Variants in SCLT1 observed in about 807,000 individuals in gnomAD.
SCLT1 encodes the protein sodium channel and clathrin linker 1, also known as sodium channel-associated protein 1.
In SCLT1, 78 loss-of-function variants were observed where a neutral mutation model predicts 112.8. The observed-to-expected ratio is 0.69, with a 90% CI of 0.58 to 0.83. SCLT1 has a LOEUF of 0.83. Among genes scored for constraint, SCLT1 ranks in the 40% least tolerant of loss-of-function variants. The pLI, the probability that SCLT1 is intolerant of heterozygous loss-of-function variation, is 0.00. For synonymous variants in SCLT1, 257 were observed against 254.7 expected (o/e 1.01, Z -0.09); for missense variants, 747 against 770.4 (o/e 0.97, Z 0.36).
chr4:128,934,356 T>C (rs1479519459), intron 18 of SCLT1, among the ~76,000 whole-genome samples: 1 of 151,336 alleles, frequency 6.6e-6, no homozygotes, highest in Non-Finnish European at 1.5e-5. Flanking sequence ...CATACTGTTA[T>C]ATTACTTTTT....
At chr4:128,937,828 G>C (rs1467818078) in intron 17 of SCLT1, among the ~76,000 whole-genome samples, 1 of 152,164 alleles carries the variant, frequency 6.6e-6, no homozygotes, top group African/African-American at 2.4e-5. Context: ...TACCCTAGAA[G>C]CTTTCTCTGC....
chr4:128,896,713 A>T (rs550234413), intron 18 of SCLT1, among the ~76,000 whole-genome samples: 12 of 152,300 alleles, frequency 7.9e-5, no homozygotes, highest in African/African-American at 1.4e-4. Context: ...GCTTCAGACG[A>T]TCAAACTACT....
At chr4:128,874,050 T>C (rs1380821614) in intron 5 of SCLT1, 1 of 152,652 alleles carries the variant, frequency 6.6e-6, no homozygotes, top group East Asian at 1.9e-4. Flanking sequence ...CTGACTATTT[T>C]TGAGTTATGG....
intron 18 of SCLT1, among the ~76,000 whole-genome samples, chr4:128,916,304 A>G (rs1434955764): frequency 6.6e-6 from 1 of 152,198 alleles, no homozygotes; most frequent in African/African-American, 2.4e-5. Flanking sequence ...TATTGCAGTT[A>G]ATATATATCA....
chr4:128,986,311 C>T (rs936339195), intron 9 of SCLT1, among the ~76,000 whole-genome samples: 1 of 152,156 alleles, frequency 6.6e-6, no homozygotes, highest in Non-Finnish European at 1.5e-5. Context: ...AAGAATTCAC[C>T]GTCCCAGTGG....
chr4:128,898,731 G>A (rs963921916), intron 18 of SCLT1, among the ~76,000 whole-genome samples: 4 of 152,006 alleles, frequency 2.6e-5, no homozygotes, highest in Admixed American at 6.6e-5. Flanking sequence ...CAATGAATCC[G>A]GGAGCTGGTT....
intron 18 of SCLT1, among the ~76,000 whole-genome samples, chr4:128,929,833 G>A (rs1736613941): frequency 6.6e-6 from 1 of 152,164 alleles, no homozygotes. Flanking sequence ...CTGTGTTGTT[G>A]TCTTTGTCTA....
chr4:128,893,090 T>C (rs1733454959), intron 18 of SCLT1, among the ~76,000 whole-genome samples: 1 of 152,142 alleles, frequency 6.6e-6, no homozygotes, highest in Non-Finnish European at 1.5e-5. Flanking sequence ...TGAGTATAAT[T>C]GAGATTAAGA....
At chr4:128,948,645 G>A in intron 14 of SCLT1, 75 bp from the exon 15 acceptor site, 1 of 1,046,018 alleles carries the variant, frequency 9.6e-7, no homozygotes, top group Non-Finnish European at 1.4e-6. Context: ...ATTATAATTT[G>A]TTCATAATGG....
At chr4:129,021,902 A>G (rs971944055) in intron 5 of SCLT1, among the ~76,000 whole-genome samples, 2 of 152,152 alleles carry the variant, frequency 1.3e-5, no homozygotes, top group African/African-American at 2.4e-5. Context: ...GCTGACAGAC[A>G]TCTCATATAG....
chr4:128,920,858 G>A (rs1735828063), intron 18 of SCLT1, among the ~76,000 whole-genome samples: 2 of 152,156 alleles, frequency 1.3e-5, no homozygotes, highest in Admixed American at 1.3e-4. Flanking sequence ...AATAGGTAGA[G>A]AGGAAGTCAA....
chr4:128,965,605 C>T (rs754679744), intron 10 of SCLT1, among the ~76,000 whole-genome samples: 11 of 152,104 alleles, frequency 7.2e-5, no homozygotes, highest in Non-Finnish European at 1.0e-4. Flanking sequence ...TCTAACAAAA[C>T]GAGAGGGATT....
intron 4 of SCLT1, chr4:129,040,343 G>T: frequency 1.7e-6 from 1 of 595,510 alleles, no homozygotes; most frequent in Non-Finnish European, 3.1e-6. Context: ...CATGGCAAGA[G>T]GTTTGGATTT....
chr4:129,069,165 T>A (rs910937175), intron 2 of SCLT1, among the ~76,000 whole-genome samples: 2 of 152,212 alleles, frequency 1.3e-5, no homozygotes, highest in African/African-American at 4.8e-5. Context: ...CATGCTGTTT[T>A]GGTAGCTATG....
intron 1 of SCLT1, among the ~76,000 whole-genome samples, chr4:129,091,273 C>T (rs1477129978): frequency 6.6e-6 from 1 of 151,998 alleles, no homozygotes; most frequent in East Asian, 1.9e-4. Context: ...TGAATAAAAT[C>T]AGTTATTTTA....
At chr4:129,085,387 G>A (rs1752303651) in intron 1 of SCLT1, among the ~76,000 whole-genome samples, 3 of 152,182 alleles carry the variant, frequency 2.0e-5, no homozygotes, top group South Asian at 2.1e-4. Context: ...AAGTTGTGGA[G>A]AAAAAGGAAC....
At chr4:129,038,145 T>C (rs780597995) in intron 5 of SCLT1, 1 of 152,372 alleles carries the variant, frequency 6.6e-6, no homozygotes, top group Non-Finnish European at 1.5e-5. Flanking sequence ...AAAAAAAAAG[T>C]CAACAATATT....
chr4:129,084,880 A>C (rs1034413755), intron 1 of SCLT1, among the ~76,000 whole-genome samples: 3 of 152,248 alleles, frequency 2.0e-5, no homozygotes, highest in African/African-American at 7.2e-5. Flanking sequence ...CTCAAGACGA[A>C]TTAAAGACTT....
At chr4:128,942,903 A>C (rs184237052) in intron 17 of SCLT1, 93 bp downstream of exon 17, 1 of 838,082 alleles carries the variant, frequency 1.2e-6, no homozygotes, top group African/African-American at 1.7e-5. Flanking sequence ...GCAAAAAAAA[A>C]GGGGGCCTTA....
Sources: gnomAD v4.1 joint callset for allele counts (sites outside exome capture counted in the v4.1 genomes callset) on GRCh38, gnomAD v4.1.1 for gene constraint, MANE v1.5 for transcripts, NCBI Gene and HGNC (gene_info 2026-07-23, HGNC 2026-07-21) for gene names.